The following ZSWIM5 variants were observed in gnomAD, a reference collection of about 807,000 sequenced individuals.
ZSWIM5 encodes zinc finger SWIM domain-containing protein 5.
Under a neutral mutation model 119.6 loss-of-function variants are expected in ZSWIM5, and 55 were observed. That is an observed-to-expected ratio of 0.46 (90% CI 0.37 to 0.58). ZSWIM5 has a LOEUF of 0.58. Among genes scored for constraint, ZSWIM5 ranks in the 20% least tolerant of loss-of-function variants. The probability of loss-of-function intolerance (pLI) is 0.00; values close to 1 mark genes in which losing one functional copy is unlikely to be tolerated. For missense variants in ZSWIM5, 1,193 were observed against 1,512.8 expected (o/e 0.79, Z 3.51); for synonymous variants, 537 against 606.9 (o/e 0.88, Z 1.69).
At chr1:45,156,373 C>A (rs1451614484) in intron 1 of ZSWIM5, among the ~76,000 whole-genome samples, 1 of 151,696 alleles carries the variant, frequency 6.6e-6, no homozygotes, top group African/African-American at 2.4e-5. Context: ...TCAATCATAC[C>A]CCAAACATCA....
intron 1 of ZSWIM5, among the ~76,000 whole-genome samples, chr1:45,185,141 C>A (rs1357433872): frequency 2.0e-5 from 3 of 152,050 alleles, no homozygotes; most frequent in South Asian, 2.1e-4. Context: ...GAAAAACAAG[C>A]AATGGGGAAA....
At chr1:45,149,595 A>G (rs2149037300) in intron 1 of ZSWIM5, among the ~76,000 whole-genome samples, 1 of 152,344 alleles carries the variant, frequency 6.6e-6, no homozygotes, top group African/African-American at 2.4e-5. Flanking sequence ...AAATCAAATC[A>G]TGGAGATAAG....
chr1:45,145,328 A>G (rs1010485659), intron 1 of ZSWIM5, among the ~76,000 whole-genome samples: 10 of 150,490 alleles, frequency 6.6e-5, no homozygotes, highest in African/African-American at 2.4e-4. Context: ...CCCTAGAGAA[A>G]TGAAAAGTTA....
chr1:45,143,045 G>A (rs1174421603), intron 1 of ZSWIM5, among the ~76,000 whole-genome samples: 1 of 150,796 alleles, frequency 6.6e-6, no homozygotes, highest in African/African-American at 2.4e-5. Context: ...TGTGGTGCAT[G>A]CCTATGGTCC....
At position 45,060,115 on chromosome 1, in the gene ZSWIM5, T is replaced by C. The variant is rs770229441; in HGVS notation, c.1085A>G (p.Asn362Ser). ...ATATCTTACCTTGGCAAACATTGAGTTGAGTTGCTTTCCAGAGCCACAGTA... is the reference window on the plus strand; with the variant it reads ...ATATCTTACCTTGGCAAACATTGAGCTGAGTTGCTTTCCAGAGCCACAGTA... Reference protein sequence around the residue: ...GGYCGSGKQLNSMFAKVREML... With the variant: ...GGYCGSGKQLSSMFAKVREML... Residue 362 changes from asparagine (N) to serine (S), a missense_variant, in exon 3 of 14, where the codon AAC becomes AGC. This residue lies in a region of ZSWIM5 where 961 missense variants were observed against 1,290.0 expected (regional missense o/e 0.74). Transcript: ENST00000359600. 1.2e-5 allele frequency: 20 copies of C among 1,613,962 alleles called. No homozygotes were observed. In the Admixed American group the frequency reaches 3.0e-4, roughly 24 times the overall value.
chr1:45,125,325 C>T (rs1203018783), intron 1 of ZSWIM5, among the ~76,000 whole-genome samples: 2 of 152,006 alleles, frequency 1.3e-5, no homozygotes, highest in African/African-American at 4.8e-5. Context: ...GGAAATTAAA[C>T]AACATACTTC....
intron 12 of ZSWIM5, 127 bp from the exon 13 acceptor site, chr1:45,020,274 T>C (rs1644880410): frequency 5.3e-6 from 4 of 757,306 alleles, no homozygotes; most frequent in South Asian, 1.7e-5. Context: ...CTGATAAACA[T>C]AAAATACAGT....
intron 1 of ZSWIM5, among the ~76,000 whole-genome samples, chr1:45,204,458 A>G (rs1476784840): frequency 6.6e-6 from 1 of 152,212 alleles, no homozygotes; most frequent in Non-Finnish European, 1.5e-5. Flanking sequence ...TGCTCAAGCC[A>G]CTGTCACTAT....
At chr1:45,141,970 T>C (rs1199443686) in intron 1 of ZSWIM5, among the ~76,000 whole-genome samples, 3 of 152,128 alleles carry the variant, frequency 2.0e-5, no homozygotes, top group Non-Finnish European at 2.9e-5. Context: ...TATATTACTA[T>C]ATGAGAGGTG....
intron 1 of ZSWIM5, among the ~76,000 whole-genome samples, chr1:45,122,251 ACCTTTCAG>A (rs1465380293): frequency 6.6e-6 from 1 of 152,176 alleles, no homozygotes; most frequent in Non-Finnish European, 1.5e-5. Flanking sequence ...AAGCTGCTTG[ACCTTTCAG>A]TACCACAGCT....
At chr1:45,051,471 G>A (rs763141011) in intron 4 of ZSWIM5, among the ~76,000 whole-genome samples, 1 of 152,096 alleles carries the variant, frequency 6.6e-6, no homozygotes, top group Non-Finnish European at 1.5e-5. Context: ...GTGTGCCTGT[G>A]ATATAAAGAC....
intron 1 of ZSWIM5, among the ~76,000 whole-genome samples, chr1:45,127,442 C>T (rs1301264827): frequency 7.0e-6 from 1 of 142,640 alleles, no homozygotes; most frequent in African/African-American, 2.6e-5. Context: ...TCTGCTCTCA[C>T]TTTTTTTTTT....
Position 45,206,479 on chromosome 1 carries a change from G to T in ZSWIM5, c.-129C>A, listed in dbSNP as rs1004552435. 12 of 1,184,190 alleles carry T rather than the reference G, an allele frequency of 1.0e-5. No homozygotes were observed. In the African/African-American group the frequency reaches 1.9e-4, roughly 19 times the overall value. 73.4% of individuals were successfully genotyped at this position (1,184,190 alleles called of 1,614,324 possible). Reference sequence around the variant, plus strand: ...CGAGGGGGGCGGGGCGAGAGAACCCGCGAGCCAGCCGGCCCGAGTGGGGAA... The same window carrying T: ...CGAGGGGGGCGGGGCGAGAGAACCCTCGAGCCAGCCGGCCCGAGTGGGGAA... On this transcript the variant is annotated 5_prime_UTR_variant, in exon 1 of 14. Coordinates refer to ENST00000359600, the MANE Select transcript of ZSWIM5 (RefSeq NM_020883.2).
chr1:45,037,141 C>T (rs1441234764), intron 8 of ZSWIM5, among the ~76,000 whole-genome samples: 11 of 138,760 alleles, frequency 7.9e-5, no homozygotes, highest in Admixed American at 3.0e-4. Flanking sequence ...GAGGGAGTCT[C>T]GCTCCATCTC....
rs142427974 is a variant in ZSWIM5 at position 45,103,753 on chromosome 1, A to G, written c.596-15516T>C. Among the ~76,000 whole-genome samples, 5 of 152,358 alleles carry G rather than the reference A, an allele frequency of 3.3e-5. No homozygotes were observed. In the East Asian group the frequency reaches 9.6e-4, roughly 29 times the overall value. On this transcript the variant is annotated intron_variant, in intron 1 of 13. Transcript: ENST00000359600. ...TCTGTACAAGAAAATGTATCAGGAC[A>G]TGAGTGAATCATCTGCTTAGAGTTC... is the stretch of plus-strand genomic sequence containing the variant.
intron 1 of ZSWIM5, among the ~76,000 whole-genome samples, chr1:45,205,420 A>G (rs1646181619): frequency 2.0e-5 from 3 of 152,112 alleles, no homozygotes; most frequent in Admixed American, 2.0e-4. Flanking sequence ...TCTCCTCTCC[A>G]AACTTAAATT....
chr1:45,020,925 T>A lies in ZSWIM5; in HGVS notation c.2450-137A>T. The A allele has an allele frequency of 5.0e-6, 5 of 1,006,224 alleles. No homozygotes were observed. In the South Asian group the frequency reaches 6.3e-5, roughly 13 times the overall value. The allele number at this position is 1,006,224 out of a possible 1,614,324, so 62.3% of individuals were successfully genotyped here. ...GAATGCTACCGCCCCTTCTGGGTTA[T>A]CGAGCTGTCTCCACTAATCACATTT... On this transcript the variant is annotated intron_variant, in intron 11 of 13. Coordinates refer to ENST00000359600, the MANE Select transcript of ZSWIM5 (RefSeq NM_020883.2).
chr1:45,027,003 G>A (rs1361955918), intron 11 of ZSWIM5, among the ~76,000 whole-genome samples: 1 of 144,416 alleles, frequency 6.9e-6, no homozygotes, highest in African/African-American at 2.5e-5. Flanking sequence ...GGTGGGCATA[G>A]AGTTGTTCAA....
chr1:45,163,507 C>T (rs578076798), intron 1 of ZSWIM5, among the ~76,000 whole-genome samples: 8 of 152,120 alleles, frequency 5.3e-5, no homozygotes, highest in Non-Finnish European at 1.2e-4. Context: ...TTCAGAAGAT[C>T]GGTAATAACA....
Sources: allele counts gnomAD v4.1 joint callset (sites outside exome capture counted in the v4.1 genomes callset), GRCh38; gene constraint gnomAD v4.1.1; regional missense constraint gnomAD v4.1.1; transcripts MANE v1.5; gene names NCBI Gene and HGNC (gene_info 2026-07-23, HGNC 2026-07-21).